ACAP2: variants seen among roughly 807,000 people sequenced by gnomAD.
ACAP2 encodes the protein ArfGAP with coiled-coil, ankyrin repeat and PH domains 2.
Under a neutral mutation model 115.8 loss-of-function variants are expected in ACAP2, and 39 were observed. The observed-to-expected ratio is 0.34, with a 90% CI of 0.26 to 0.44. ACAP2 has a LOEUF of 0.44. Ranked by LOEUF, ACAP2 falls within the 20% of genes least tolerant of loss-of-function variation. The pLI, the probability that ACAP2 is intolerant of heterozygous loss-of-function variation, is 1.00. For synonymous variants in ACAP2, 289 were observed against 315.8 expected, an observed-to-expected ratio of 0.92 and a Z score of 0.90; for missense variants, 662 against 927.6, an observed-to-expected ratio of 0.71 and a Z score of 3.72.
chr3:195,428,293 T>C (rs1180714971), intron 1 of ACAP2, among the ~76,000 whole-genome samples: 1 of 150,512 alleles, frequency 6.6e-6, no homozygotes, highest in Non-Finnish European at 1.5e-5. Flanking sequence ...TACATAGGTA[T>C]ACATACATAG....
At chr3:195,349,337 C>T (rs551290572) in intron 4 of ACAP2, among the ~76,000 whole-genome samples, 1 of 152,104 alleles carries the variant, frequency 6.6e-6, no homozygotes, top group East Asian at 1.9e-4. Context: ...CAAAATCAGC[C>T]GGGCGTGGTG....
chr3:195,361,167 G>A (rs767498412), intron 4 of ACAP2, among the ~76,000 whole-genome samples: 9 of 152,204 alleles, frequency 5.9e-5, no homozygotes, highest in Non-Finnish European at 1.3e-4. Context: ...GGGCACAGTG[G>A]CTCAGGCCTA....
chr3:195,384,599 C>CA (rs894208725), intron 2 of ACAP2, among the ~76,000 whole-genome samples: 3 of 152,074 alleles, frequency 2.0e-5, no homozygotes, highest in Non-Finnish European at 1.5e-5. Flanking sequence ...TGGTGGTGCG[C>CA]ACCTGTAGTC....
At position 195,358,167 on chromosome 3, in the gene ACAP2, GGTGCCCTCTAATGCA is replaced by G. The variant is rs1224617019; in HGVS notation, c.286-12865_286-12851del. 2.0e-5 allele frequency among the ~76,000 whole-genome samples: 3 copies of G among 152,096 alleles called. No homozygotes were observed. In the East Asian group the frequency reaches 5.8e-4, roughly 29 times the overall value. On this transcript the variant is annotated intron_variant, in intron 4 of 22. Coordinates refer to ENST00000326793, the MANE Select transcript of ACAP2 (RefSeq NM_012287.6). ...AGAACTACAGCATTACTAGTCTTGG[GGTGCCCTCTAATGCA>G]GATACAGCTGTAGGGACCAAAAACC...
intron 7 of ACAP2, chr3:195,336,698 T>C: frequency 8.1e-6 from 4 of 495,538 alleles, no homozygotes; most frequent in Non-Finnish European, 1.4e-5. Flanking sequence ...CATAACAGTA[T>C]AGAGTCTACC....
chr3:195,377,386 C>T (rs1733625876), intron 4 of ACAP2, among the ~76,000 whole-genome samples: 1 of 151,938 alleles, frequency 6.6e-6, no homozygotes. Flanking sequence ...CTCAAGCAAT[C>T]AAACCACCTC....
rs1211617075 is a variant in ACAP2, at chr3:195,302,106, T to A, written c.1185A>T (p.Leu395Phe). 9.9e-6 allele frequency: 16 copies of A among 1,614,044 alleles called. No individual in the cohort carries two copies. The East Asian group carries it at 3.3e-4, about 34-fold the overall frequency. The stretch of plus-strand genomic sequence containing the variant: ...GCTGAAGCGCACTTTCTCCTTTCAA[T>A]AATTTCTCTTTGGACTCATTTCCAG... ...LDSGNESKEKLLKGESALQRV... is the reference protein window; with the variant it reads ...LDSGNESKEKFLKGESALQRV... Residue 395 changes from leucine to phenylalanine, a missense_variant, in exon 14 of 23, where the codon TTA becomes TTT. Coordinates refer to ENST00000326793, the MANE Select transcript of ACAP2 (RefSeq NM_012287.6).
intron 16 of ACAP2, 148 bp downstream of exon 16, chr3:195,297,042 T>G (rs1727699006): frequency 3.0e-6 from 2 of 660,858 alleles, no homozygotes; most frequent in Non-Finnish European, 5.3e-6. Flanking sequence ...CTAATTAACA[T>G]ACCGAAGAAA....
At chr3:195,409,034 G>A (rs1476617685) in intron 1 of ACAP2, among the ~76,000 whole-genome samples, 2 of 151,458 alleles carry the variant, frequency 1.3e-5, no homozygotes, top group Non-Finnish European at 2.9e-5. Flanking sequence ...ACAAGGCAAG[G>A]ATGCTGCTTT....
At chr3:195,357,117 G>A (rs1168399498) in intron 4 of ACAP2, among the ~76,000 whole-genome samples, 1 of 151,894 alleles carries the variant, frequency 6.6e-6, no homozygotes, top group Non-Finnish European at 1.5e-5. Context: ...GTGGGTCCCA[G>A]GAATGGCGAC....
At chr3:195,337,035 G>A (rs1023697626) in intron 6 of ACAP2, 59 bp from the exon 7 acceptor site, 1 of 1,432,152 alleles carries the variant, frequency 7.0e-7, no homozygotes, top group African/African-American at 1.4e-5. Flanking sequence ...AATCCATAAT[G>A]CAATATTGTA....
chr3:195,289,015 G>A (rs532712641), intron 21 of ACAP2, 106 bp downstream of exon 21: 3 of 751,888 alleles, frequency 4.0e-6, no homozygotes, highest in Middle Eastern at 2.5e-4. Context: ...ATGAGCATAT[G>A]TGGATGTTGG....
At chr3:195,280,139 G>C (rs1490628469) in intron 22 of ACAP2, among the ~76,000 whole-genome samples, 2 of 152,056 alleles carry the variant, frequency 1.3e-5, no homozygotes, top group East Asian at 3.9e-4. Flanking sequence ...GCAACATAGC[G>C]AGACTACATC....
chr3:195,419,391 A>G (rs1486244407), intron 1 of ACAP2: 1 of 152,074 alleles, frequency 6.6e-6, no homozygotes, highest in Non-Finnish European at 1.5e-5. Flanking sequence ...TTTTTTTCAA[A>G]TATTTTCCTA....
intron 1 of ACAP2, among the ~76,000 whole-genome samples, chr3:195,420,372 G>A (rs995963899): frequency 2.6e-5 from 4 of 151,622 alleles, no homozygotes; most frequent in South Asian, 2.1e-4. Flanking sequence ...TTTTTGAGAC[G>A]GAGTCTCACT....
chr3:195,351,117 C>CTTTTTT (rs1160492256), intron 4 of ACAP2, among the ~76,000 whole-genome samples: 1,228 of 107,148 alleles, frequency 0.011, 21 homozygotes, highest in African/African-American at 0.035. Context: ...AAGATAAATC[C>CTTTTTT]TTTTTTTTTT....
At chr3:195,353,816 T>C (rs1481835469) in intron 4 of ACAP2, among the ~76,000 whole-genome samples, 35 of 152,218 alleles carry the variant, frequency 2.3e-4, no homozygotes, top group Admixed American at 2.2e-3. Flanking sequence ...CATTTTTCTC[T>C]TTTCTGCTTT....
chr3:195,354,601 A>G (rs1731832539), intron 4 of ACAP2, among the ~76,000 whole-genome samples: 1 of 152,160 alleles, frequency 6.6e-6, no homozygotes, highest in South Asian at 2.1e-4. Context: ...TAGTTTGCAA[A>G]TATTTTCTCC....
chr3:195,339,826 T>G (rs1730752691), intron 6 of ACAP2, among the ~76,000 whole-genome samples: 1 of 152,116 alleles, frequency 6.6e-6, no homozygotes, highest in Non-Finnish European at 1.5e-5. Context: ...ATAAAATTTG[T>G]AACATTAAGC....
Sources: gnomAD v4.1 joint callset for allele counts (sites outside exome capture counted in the v4.1 genomes callset) on GRCh38, gnomAD v4.1.1 for gene constraint, MANE v1.5 for transcripts, NCBI Gene and HGNC (gene_info 2026-07-23, HGNC 2026-07-21) for gene names.